ARSG: variants seen among roughly 807,000 people sequenced by gnomAD.
ARSG encodes arylsulfatase G, also known as ASG.
Under a neutral mutation model 50.5 loss-of-function variants are expected in ARSG, and 37 were observed. The ratio of observed to expected loss-of-function variants is 0.73; its 90% CI spans 0.56 to 0.96. The LOEUF (loss-of-function observed/expected upper bound fraction) is 0.96, where lower values mean the gene tolerates loss of function less well. Among genes scored for constraint, ARSG ranks in the 50% least tolerant of loss-of-function variants. ARSG has a pLI of 0.00. For missense variants in ARSG, 629 were observed against 675.3 expected (o/e 0.93, Z 0.76); for synonymous variants, 225 against 254.6 (o/e 0.88, Z 1.11).
intron 4 of ARSG, among the ~76,000 whole-genome samples, chr17:68,350,510 G>T (rs1043707755): frequency 6.6e-6 from 1 of 152,026 alleles, no homozygotes; most frequent in Non-Finnish European, 1.5e-5. Flanking sequence ...GCTGGGCCGG[G>T]CGCGGTGGCT....
intron 11 of ARSG, among the ~76,000 whole-genome samples, chr17:68,417,710 AAAGACCTAAT>A (rs1345937053): frequency 6.7e-6 from 1 of 148,256 alleles, no homozygotes; most frequent in Non-Finnish European, 1.5e-5. Flanking sequence ...CACTTCTCCA[AAAGACCTAAT>A]AAGAGTTGCT....
chr17:68,402,650 G>A (rs1024028852), intron 11 of ARSG, among the ~76,000 whole-genome samples: 7 of 151,828 alleles, frequency 4.6e-5, no homozygotes, highest in Non-Finnish European at 1.0e-4. Context: ...TCAGCCTCCC[G>A]AGTAGCTGGG....
intron 10 of ARSG, among the ~76,000 whole-genome samples, chr17:68,395,728 G>A (rs1175098040): frequency 1.3e-5 from 2 of 152,180 alleles, no homozygotes; most frequent in Non-Finnish European, 2.9e-5. Flanking sequence ...ATTTTTGTTA[G>A]ATGAGATGAC....
chr17:68,269,049 C>T, intron 1 of ARSG: 1 of 1,589,836 alleles, frequency 6.3e-7, no homozygotes, highest in Middle Eastern at 1.7e-4. Flanking sequence ...TGGGCCCACC[C>T]CATCCCTCTC....
intron 2 of ARSG, among the ~76,000 whole-genome samples, chr17:68,327,680 A>C (rs1051892204): frequency 6.6e-6 from 1 of 152,114 alleles, no homozygotes; most frequent in Admixed American, 6.5e-5. Context: ...TTCTAATTAC[A>C]TTCACATTCT....
chr17:68,327,161 CAG>C (rs1266778949), intron 2 of ARSG, among the ~76,000 whole-genome samples: 2 of 151,082 alleles, frequency 1.3e-5, no homozygotes, highest in African/African-American at 2.4e-5. Context: ...AGAGATACAA[CAG>C]AGTTAACATG....
chr17:68,437,949 A>AAAAAAAAAAC, the ARSG span, among the ~76,000 whole-genome samples: 1 of 37,762 alleles, frequency 2.6e-5, no homozygotes, highest in Non-Finnish European at 4.9e-5. Context: ...CATCTCTCTT[A>AAAAAAAAAAC]AAAAAAAAAA....
intron 1 of ARSG, among the ~76,000 whole-genome samples, chr17:68,305,596 G>A (rs1272652992): frequency 6.6e-6 from 1 of 152,162 alleles, no homozygotes; most frequent in Non-Finnish European, 1.5e-5. Flanking sequence ...TGGCTAGGAT[G>A]CAAAGGGACA....
intron 2 of ARSG, among the ~76,000 whole-genome samples, chr17:68,334,405 C>T (rs1277812701): frequency 6.6e-6 from 1 of 152,078 alleles, no homozygotes; most frequent in Non-Finnish European, 1.5e-5. Context: ...CATTTGGTAG[C>T]ACCCCATTTA....
chr17:68,368,049 G>A (rs184143777), intron 6 of ARSG, among the ~76,000 whole-genome samples: 19 of 152,216 alleles, frequency 1.2e-4, no homozygotes, highest in African/African-American at 4.1e-4. Context: ...CAGCCTGGGC[G>A]ACAAGAGTGC....
intron 1 of ARSG, among the ~76,000 whole-genome samples, chr17:68,293,042 G>A (rs1377413100): frequency 1.3e-5 from 2 of 152,152 alleles, no homozygotes; most frequent in Non-Finnish European, 2.9e-5. Context: ...CTGCTGTTAC[G>A]ATTTATGCTT....
intron 1 of ARSG, chr17:68,278,431 T>A (rs1195327845): frequency 1.5e-6 from 1 of 677,370 alleles, no homozygotes; most frequent in Admixed American, 2.9e-5. Context: ...ACCCCATTTC[T>A]TAAGTTGTTG....
At chr17:68,305,034 C>T (rs116163225) in intron 1 of ARSG, among the ~76,000 whole-genome samples, 1,784 of 152,122 alleles carry the variant, frequency 0.012, 30 homozygotes, top group African/African-American at 0.041. Flanking sequence ...ATTAGCTGGG[C>T]GTGGTGGCAT....
At chr17:68,444,139 T>C in the ARSG span, among the ~76,000 whole-genome samples, 1 of 152,220 alleles carries the variant, frequency 6.6e-6, no homozygotes, top group Non-Finnish European at 1.5e-5. Context: ...TCACGCCTAC[T>C]CTGTACTGAA....
the ARSG span, among the ~76,000 whole-genome samples, chr17:68,432,128 C>T: frequency 6.6e-6 from 1 of 152,116 alleles, no homozygotes; most frequent in East Asian, 1.9e-4. Flanking sequence ...CTTTGGGTTA[C>T]ACCTGTGCAG....
rs1279898432 is a variant in ARSG, at chr17:68,278,264, A to G, written c.-552+18838A>G. The G allele has an allele frequency of 3.7e-6, 6 of 1,614,086 alleles. No homozygotes were observed. The African/African-American group carries it at 4.0e-5, about 11-fold the overall frequency. ...CTACCGCCCAGCCCCATCCTCCATC[A>G]GGCACTTCAGTATACACATTGGCTT... On this transcript the variant is annotated intron_variant, in intron 1 of 11. Coordinates refer to the ARSG transcript ENST00000448504.
chr17:68,345,205 C>T (rs190194547), intron 3 of ARSG, among the ~76,000 whole-genome samples: 1 of 152,346 alleles, frequency 6.6e-6, no homozygotes, highest in East Asian at 1.9e-4. Flanking sequence ...AACGAAGTGG[C>T]TCACGCCTGT....
chr17:68,346,802 G>A, intron 3 of ARSG: 2 of 1,328,856 alleles, frequency 1.5e-6, no homozygotes, highest in Non-Finnish European at 2.0e-6. Context: ...CAAAGTGAAG[G>A]AGCCCATGTG....
intron 8 of ARSG, among the ~76,000 whole-genome samples, chr17:68,375,857 C>T (rs1487718478): frequency 2.0e-5 from 3 of 151,942 alleles, no homozygotes; most frequent in Non-Finnish European, 4.4e-5. Flanking sequence ...AGAGATGGGG[C>T]CAGCGTTCAA....
Sources: allele counts gnomAD v4.1 joint callset (sites outside exome capture counted in the v4.1 genomes callset), GRCh38; gene constraint gnomAD v4.1.1; transcripts MANE v1.5; gene names NCBI Gene and HGNC (gene_info 2026-07-23, HGNC 2026-07-21).